Variants in MUC20 observed in about 807,000 individuals in gnomAD.
The protein encoded by MUC20 is mucin-20.
In MUC20, 14 loss-of-function variants were observed where a neutral mutation model predicts 23.8. That is an observed-to-expected ratio of 0.59 (90% CI 0.39 to 0.92). The LOEUF is 0.92. Among genes scored for constraint, MUC20 ranks in the 40% least tolerant of loss-of-function variants. The pLI, the probability that MUC20 is intolerant of heterozygous loss-of-function variation, is 0.00. For synonymous variants in MUC20, 166 were observed against 279.3 expected (o/e 0.59, Z 4.04); for missense variants, 375 against 668.8 (o/e 0.56, Z 4.85).
chr3:195,728,648 T>A (rs1226154493), intron 2 of MUC20, among the ~76,000 whole-genome samples: 6 of 152,012 alleles, frequency 3.9e-5, no homozygotes, highest in Middle Eastern at 3.2e-3. Flanking sequence ...GGAGATCCTC[T>A]TTTACTAATC....
At chr3:195,732,027 T>G (rs1024512230) in intron 3 of MUC20, among the ~76,000 whole-genome samples, 1 of 151,726 alleles carries the variant, frequency 6.6e-6, no homozygotes, top group Non-Finnish European at 1.5e-5. Context: ...TTTCTGAGAC[T>G]GAGTCTCACT....
In MUC20 at chr3:195,731,917, C is replaced by T. The variant is rs180812910; in HGVS notation, c.2062-1233C>T. On this transcript the variant is annotated intron_variant, in intron 3 of 3. Transcript: ENST00000447234. Reference sequence around the variant, plus strand: ...TGGCCAAATAAGTGACAAATGCCCCCGGCATGTGATAATCAAAGTAGCGAG... The same window carrying T: ...TGGCCAAATAAGTGACAAATGCCCCTGGCATGTGATAATCAAAGTAGCGAG... Among the ~76,000 whole-genome samples the T allele has an allele frequency of 2.5e-4, 38 of 152,066 alleles. 1 individual carries two copies. In the East Asian group the frequency reaches 6.0e-3, roughly 24 times the overall value.
At chr3:195,731,475 T>C (rs1443112653) in intron 3 of MUC20, among the ~76,000 whole-genome samples, 1 of 152,182 alleles carries the variant, frequency 6.6e-6, no homozygotes, top group East Asian at 1.9e-4. Context: ...CGTCCCAGAG[T>C]GCATAGAATC....
At chr3:195,730,357 G>GT (rs368667687) in intron 3 of MUC20, among the ~76,000 whole-genome samples, 10,764 of 145,808 alleles carry the variant, frequency 0.074, no homozygotes, top group South Asian at 0.17. Flanking sequence ...CTTTCTTTTT[G>GT]TTTTTTGAGA....
At chr3:195,733,108 G>A (rs373712722) in intron 3 of MUC20, 42 bp from the exon 4 acceptor site, 36 of 1,558,082 alleles carry the variant, frequency 2.3e-5, no homozygotes, top group Non-Finnish European at 2.9e-5. Context: ...GAGCTCATGG[G>A]CCAGATGGGC....
At chr3:195,728,664 C>T (rs1713011568) in intron 2 of MUC20, among the ~76,000 whole-genome samples, 1 of 152,056 alleles carries the variant, frequency 6.6e-6, no homozygotes, top group South Asian at 2.1e-4. Context: ...TAATCCACCT[C>T]AGCACAGACC....
Position 195,726,378 on chromosome 3 carries a change from T to C in MUC20, c.1775T>C (p.Met592Thr), listed in dbSNP as rs3828407. 0.057 allele frequency: 77,233 copies of C among 1,350,972 alleles called. 836 individuals are homozygous for C. The highest frequency in any genetic ancestry group is 0.14 in the East Asian group (5,659 of 39,660). 83.7% of individuals were successfully genotyped at this position (1,350,972 alleles called of 1,614,324 possible). A position where few individuals can be genotyped will look rare whatever the true frequency, so the allele number is the denominator to read the frequency against. Reference protein sequence around the residue: ...KNFTPSETPTMDIATKGPFPT... With the variant: ...KNFTPSETPTTDIATKGPFPT... ...TTCACCCCTTCAGAGACACCGACCA[T>C]GGACATCGCAACCAAGGGGCCCTTC... The change falls in exon 2 of 4, where the codon ATG becomes ACG. Residue 592 changes from methionine to threonine, a missense_variant. Around this residue, in one of 4 missense-constraint regions of MUC20, gnomAD observed 343 missense variants for 340.2 expected, o/e 1.01. Coordinates refer to ENST00000447234, the MANE Select transcript of MUC20 (RefSeq NM_001282506.2).
In MUC20 at chr3:195,726,117, C is replaced by A; in HGVS notation, c.1514C>A (p.Ala505Asp). Residue 505 changes from alanine to aspartate, a missense_variant, in exon 2 of 4, where the codon GCC becomes GAC. Physicochemically the swap from Ala to Asp is moderately radical, Grantham distance 126. Around this residue, in one of 4 missense-constraint regions of MUC20, gnomAD observed 343 missense variants for 340.2 expected, o/e 1.01. Coordinates refer to ENST00000447234, the MANE Select transcript of MUC20 (RefSeq NM_001282506.2). Reference protein sequence around the residue: ...TVGTPLPTNSATEREVTAPGA... With the variant: ...TVGTPLPTNSDTEREVTAPGA... ...GGGACCCCACTCCCCACTAACAGCG[C>A]CACAGAAAGAGAAGTGACAGCACCC... 1 of 1,609,218 alleles carries A rather than the reference C, an allele frequency of 6.2e-7. No homozygotes were observed. Among genetic ancestry groups the A allele is most frequent in the South Asian group, 1.1e-5 (1 of 90,926 alleles).
intron 3 of MUC20, among the ~76,000 whole-genome samples, chr3:195,731,407 T>C (rs1244311756): frequency 1.3e-5 from 2 of 152,240 alleles, no homozygotes; most frequent in African/African-American, 4.8e-5. Flanking sequence ...TGGGATCCTT[T>C]GTTGCAGGCG....
At position 195,720,987 on chromosome 3, in the gene MUC20, G is replaced by C. The variant is rs540071971; in HGVS notation, c.-21G>C. 3.2e-6 allele frequency: 5 copies of C among 1,566,206 alleles called. No homozygotes were observed. In the South Asian group the frequency reaches 5.9e-5, roughly 18 times the overall value. ...GCGAGAGACAGCCAGCAGTTCTGTG[G>C]AGCAGCGGTGGCCGGCTAGGATGGG... On this transcript the variant is annotated 5_prime_UTR_variant, in exon 1 of 4. Transcript: ENST00000447234.
chr3:195,721,277 G>T (rs1395075832), intron 1 of MUC20, among the ~76,000 whole-genome samples, 194 bp downstream of exon 1: 1 of 151,998 alleles, frequency 6.6e-6, no homozygotes, highest in African/African-American at 2.4e-5. Flanking sequence ...AAGCGTGCAT[G>T]GCGCTGCAGT....
Position 195,731,608 on chromosome 3 carries a change from A to ATGC in MUC20, c.2062-1538_2062-1536dup, listed in dbSNP as rs548578696. 6.7e-4 allele frequency among the ~76,000 whole-genome samples: 102 copies of ATGC among 152,346 alleles called. 1 individual carries two copies. The South Asian group carries it at 0.018, about 27-fold the overall frequency. On this transcript the variant is annotated intron_variant, in intron 3 of 3. Coordinates refer to ENST00000447234, the MANE Select transcript of MUC20 (RefSeq NM_001282506.2). ...CCTCTTGCTGGTCAGTCACTATTGG[A>ATGC]TGCTGCCACAGCCAAGGGGCATCAC...
At position 195,721,032 on chromosome 3, in the gene MUC20, C is replaced by G; in HGVS notation, c.25C>G (p.Leu9Val). Residue 9 changes from leucine (L) to valine (V), a missense_variant, in exon 1 of 4, where the codon CTG (leucine) becomes GTG (valine). Transcript: ENST00000447234. The part of the protein sequence containing the change: MGCLWGLA[L>V]PLFFFCWEVG... ...GATGGGCTGTCTCTGGGGTCTGGCT[C>G]TGCCCCTTTTCTTCTTCTGCTGGGA... is the stretch of plus-strand genomic sequence containing the variant. 1 of 1,588,460 alleles carries G rather than the reference C, an allele frequency of 6.3e-7. No individual in the cohort carries two copies. Among genetic ancestry groups the G allele is most frequent in the Non-Finnish European group, 8.6e-7 (1 of 1,166,606 alleles).
At chr3:195,722,148 A>G (rs1245265455) in intron 1 of MUC20, 29 of 624,578 alleles carry the variant, frequency 4.6e-5, no homozygotes, top group Admixed American at 1.9e-4. Flanking sequence ...ACCTACTTTG[A>G]TGCATCATTA....
In MUC20 at chr3:195,726,183, G is replaced by A; in HGVS notation, c.1580G>A (p.Arg527Lys). The A allele has an allele frequency of 1.2e-6, 2 of 1,600,044 alleles. No homozygotes were observed. The highest frequency in any genetic ancestry group is 1.7e-6 in the Non-Finnish European group (2 of 1,175,256). The change falls in exon 2 of 4, where the codon AGG (arginine) becomes AAG (lysine). Residue 527 changes from arginine (R) to lysine (K), a missense_variant. Around this residue, in one of 4 missense-constraint regions of MUC20, gnomAD observed 343 missense variants for 340.2 expected, o/e 1.01. Coordinates refer to ENST00000447234, the MANE Select transcript of MUC20 (RefSeq NM_001282506.2). The part of the protein sequence containing the change: ...TLSGALVTVS[R>K]NPLEETSALS... The stretch of plus-strand genomic sequence containing the variant: ...AGTGGAGCTCTGGTCACAGTTAGCA[G>A]GAATCCCCTTGAAGAAACCTCAGCC...
At chr3:195,731,037 G>T (rs1713335207) in intron 3 of MUC20, among the ~76,000 whole-genome samples, 1 of 152,266 alleles carries the variant, frequency 6.6e-6, no homozygotes, top group Non-Finnish European at 1.5e-5. Context: ...GATGGGGCAT[G>T]ATGGGAAGTG....
chr3:195,729,133 A>G (rs1177149063), intron 2 of MUC20, among the ~76,000 whole-genome samples: 1 of 152,266 alleles, frequency 6.6e-6, no homozygotes, highest in African/African-American at 2.4e-5. Context: ...TAGATAAGAC[A>G]TTCATATGAT....
intron 3 of MUC20, among the ~76,000 whole-genome samples, chr3:195,732,949 A>G (rs1003161657): frequency 1.3e-5 from 2 of 152,232 alleles, no homozygotes; most frequent in African/African-American, 4.8e-5. Flanking sequence ...GAGGATCCTA[A>G]CACCTGCTTT....
At chr3:195,731,975 C>CTTTTG (rs57899187) in intron 3 of MUC20, among the ~76,000 whole-genome samples, 17,002 of 150,588 alleles carry the variant, frequency 0.11, 485 homozygotes, top group Middle Eastern at 0.22. Context: ...AAGCCAATTG[C>CTTTTG]TTTTGTTTTG....
Sources: gnomAD v4.1 joint callset for allele counts (sites outside exome capture counted in the v4.1 genomes callset) on GRCh38, gnomAD v4.1.1 for gene constraint, gnomAD v4.1.1 regional missense constraint, MANE v1.5 for transcripts, NCBI Gene and HGNC (gene_info 2026-07-23, HGNC 2026-07-21) for gene names.